The following ZNF385D variants were observed in gnomAD, a reference collection of about 807,000 sequenced individuals.
The protein encoded by ZNF385D is zinc finger protein 385D.
Under a neutral mutation model 35.8 loss-of-function variants are expected in ZNF385D, and 15 were observed. That is an observed-to-expected ratio of 0.42 (90% CI 0.28 to 0.64). ZNF385D has a LOEUF of 0.64. ZNF385D is among the 30% of genes least tolerant of loss of function. ZNF385D has a pLI of 0.23. For synonymous variants in ZNF385D, 212 were observed against 186.8 expected (o/e 1.13, Z -1.10); for missense variants, 474 against 494.6 (o/e 0.96, Z 0.39).
At position 21,787,944 on chromosome 3, in the gene ZNF385D, C is replaced by CAAAAAAAAAAAAAAAAAA. The variant is rs560982379; in HGVS notation, c.326-122934_326-122917dup. ...GCGACAGAGCGAGACTTCGTCTCAACAAAAAAAAAAAAAAAAAAAAAAAAA... is the reference window on the plus strand; with the variant it reads ...GCGACAGAGCGAGACTTCGTCTCAACAAAAAAAAAAAAAAAAAAAAAAAAAAAAAAAAAAAAAAAAAAA... On this transcript the variant is annotated intron_variant, in intron 3 of 5. Coordinates refer to the ZNF385D transcript ENST00000494108. Among the ~76,000 whole-genome samples, 32 of 75,376 alleles carry CAAAAAAAAAAAAAAAAAA rather than the reference C, an allele frequency of 4.2e-4. 2 individuals carry two copies. Among genetic ancestry groups the CAAAAAAAAAAAAAAAAAA allele is most frequent in the East Asian group, 2.8e-3 (5 of 1,758 alleles). 49.4% of individuals were successfully genotyped at this position (75,376 alleles called of 152,430 possible).
intron 1 of ZNF385D, among the ~76,000 whole-genome samples, chr3:21,714,199 G>A (rs1575515666): frequency 1.8e-5 from 2 of 112,080 alleles, no homozygotes; most frequent in East Asian, 2.4e-4. Flanking sequence ...GTCATTAACA[G>A]TAAGTGGGCC....
At chr3:22,299,408 C>G (rs1575069421) in intron 2 of ZNF385D, among the ~76,000 whole-genome samples, 1 of 151,636 alleles carries the variant, frequency 6.6e-6, no homozygotes, top group Non-Finnish European at 1.5e-5. Flanking sequence ...AAAGATTATA[C>G]TACACGGGGG....
At chr3:21,536,369 G>A (rs1004365190) in intron 3 of ZNF385D, among the ~76,000 whole-genome samples, 15 of 152,084 alleles carry the variant, frequency 9.9e-5, no homozygotes, top group Non-Finnish European at 4.4e-5. Context: ...TACCAAGAAT[G>A]AATTGGGGCA....
At chr3:22,295,061 C>T (rs971681254) in intron 2 of ZNF385D, among the ~76,000 whole-genome samples, 1 of 151,996 alleles carries the variant, frequency 6.6e-6, no homozygotes, top group Non-Finnish European at 1.5e-5. Flanking sequence ...CCATTAATGT[C>T]TATTATTATT....
intron 3 of ZNF385D, among the ~76,000 whole-genome samples, chr3:21,986,590 A>T (rs907701187): frequency 2.7e-5 from 4 of 148,966 alleles, no homozygotes; most frequent in Non-Finnish European, 5.9e-5. Flanking sequence ...ACTTCCAACC[A>T]TGTGGTCAAT....
At chr3:22,171,033 C>A (rs373084858) in intron 2 of ZNF385D, among the ~76,000 whole-genome samples, 1 of 152,300 alleles carries the variant, frequency 6.6e-6, no homozygotes. Context: ...TTATTTCATT[C>A]TGAGTGGCAA....
At chr3:22,353,434 C>G (rs1440082811) in intron 2 of ZNF385D, among the ~76,000 whole-genome samples, 1 of 152,126 alleles carries the variant, frequency 6.6e-6, no homozygotes, top group Non-Finnish European at 1.5e-5. Context: ...TTGTTGCAGT[C>G]TCTGTATATT....
chr3:21,530,830 C>G (rs1439133631), intron 3 of ZNF385D, among the ~76,000 whole-genome samples: 3 of 152,088 alleles, frequency 2.0e-5, no homozygotes, highest in Admixed American at 2.0e-4. Context: ...GAACAATGTC[C>G]TGGGGTGTTA....
intron 4 of ZNF385D, among the ~76,000 whole-genome samples, chr3:21,439,618 T>A (rs1701759471): frequency 6.6e-6 from 1 of 152,082 alleles, no homozygotes; most frequent in South Asian, 2.1e-4. Flanking sequence ...TAGATCATAG[T>A]AATCCTAAAC....
At chr3:22,099,713 A>C (rs1477048297) in intron 3 of ZNF385D, among the ~76,000 whole-genome samples, 1 of 151,998 alleles carries the variant, frequency 6.6e-6, no homozygotes, top group East Asian at 1.9e-4. Flanking sequence ...CGGGGATACC[A>C]ATAGAAGGAT....
At chr3:21,498,091 A>G (rs1439819071) in intron 4 of ZNF385D, among the ~76,000 whole-genome samples, 2 of 152,162 alleles carry the variant, frequency 1.3e-5, no homozygotes, top group Non-Finnish European at 2.9e-5. Flanking sequence ...GATCTTCAAC[A>G]AAATAAACAA....
chr3:21,511,875 G>A lies in ZNF385D; in HGVS notation c.277-852C>T, dbSNP rs541906142. 268 of 441,224 alleles carry A rather than the reference G, an allele frequency of 6.1e-4. 4 individuals are homozygous for A. The highest frequency in any genetic ancestry group is 4.0e-3 in the South Asian group (245 of 61,814). The allele number at this position is 441,224 out of a possible 1,614,324, so 27.3% of individuals were successfully genotyped here. On this transcript the variant is annotated intron_variant, in intron 3 of 7. Transcript: ENST00000281523. ...TAGTGAAATACATTAATTACCGGGC[G>A]TGGTGGCTCATGACTGTAATCCAAG...
At chr3:21,877,475 G>T (rs922358395) in intron 3 of ZNF385D, among the ~76,000 whole-genome samples, 10 of 151,978 alleles carry the variant, frequency 6.6e-5, no homozygotes, top group Admixed American at 4.6e-4. Context: ...CACACACTTT[G>T]GTAGTTATTT....
intron 3 of ZNF385D, among the ~76,000 whole-genome samples, chr3:21,534,072 A>T (rs2061982817): frequency 6.6e-6 from 1 of 152,076 alleles, no homozygotes; most frequent in Non-Finnish European, 1.5e-5. Flanking sequence ...CTTTAGAGCC[A>T]GCTTATATGG....
At chr3:22,275,293 C>T (rs1701371995) in intron 2 of ZNF385D, among the ~76,000 whole-genome samples, 2 of 152,098 alleles carry the variant, frequency 1.3e-5, no homozygotes, top group African/African-American at 2.4e-5. Context: ...TCAGAAGGGT[C>T]TAACTAGTCC....
chr3:21,935,561 C>T (rs576880519), intron 3 of ZNF385D, among the ~76,000 whole-genome samples: 1 of 152,264 alleles, frequency 6.6e-6, no homozygotes, highest in African/African-American at 2.4e-5. Flanking sequence ...CCTTTCAGAC[C>T]TGTACACTTG....
intron 3 of ZNF385D, among the ~76,000 whole-genome samples, chr3:21,759,067 T>C (rs1404279882): frequency 1.3e-5 from 2 of 149,580 alleles, no homozygotes; most frequent in African/African-American, 4.9e-5. Context: ...TACCTCCCTG[T>C]TTTTCAAAGC....
At chr3:21,898,146 A>G (rs1699228079) in intron 3 of ZNF385D, among the ~76,000 whole-genome samples, 1 of 152,178 alleles carries the variant, frequency 6.6e-6, no homozygotes, top group East Asian at 1.9e-4. Flanking sequence ...ATTACTTTTG[A>G]GGCCAATTTA....
At chr3:21,489,746 T>A (rs1575035296) in intron 4 of ZNF385D, among the ~76,000 whole-genome samples, 1 of 152,244 alleles carries the variant, frequency 6.6e-6, no homozygotes, top group Admixed American at 6.5e-5. Flanking sequence ...CAGGTTGCCC[T>A]TGATGGGCAA....
Sources: allele counts gnomAD v4.1 joint callset (sites outside exome capture counted in the v4.1 genomes callset), GRCh38; gene constraint gnomAD v4.1.1; transcripts MANE v1.5; gene names NCBI Gene and HGNC (gene_info 2026-07-23, HGNC 2026-07-21).